SRFBP1: variants seen among roughly 807,000 people sequenced by gnomAD.
SRFBP1 encodes the protein serum response factor binding protein 1.
A neutral mutation model predicts 45.5 loss-of-function variants in SRFBP1; 47 were observed. That is an observed-to-expected ratio of 1.03 (90% CI 0.82 to 1.32). The LOEUF (loss-of-function observed/expected upper bound fraction) is 1.32. Among genes scored for constraint, SRFBP1 ranks in the 40% most tolerant of loss-of-function variants. The pLI is 0.00. For synonymous variants in SRFBP1, 203 were observed against 166.3 expected (o/e 1.22, Z -1.70); for missense variants, 621 against 484.6 (o/e 1.28, Z -2.64).
At chr5:122,078,263 G>A (rs1177847211), downstream of SRFBP1, 1 of 373,362 alleles carries the variant, frequency 2.7e-6, no homozygotes, top group African/African-American at 2.1e-5. Context: ...AGTGTCTGGA[G>A]TGAAGGAAGG....
intron 2 of SRFBP1, among the ~76,000 whole-genome samples, chr5:122,061,266 C>A (rs1379381686): frequency 2.0e-5 from 3 of 151,696 alleles, no homozygotes; most frequent in African/African-American, 7.3e-5. Flanking sequence ...TTGTCTTTAG[C>A]CCCTACTTAT....
intron 3 of SRFBP1, among the ~76,000 whole-genome samples, chr5:121,978,240 A>G (rs1288452566): frequency 6.6e-6 from 1 of 152,168 alleles, no homozygotes; most frequent in Non-Finnish European, 1.5e-5. Context: ...AGAATAAGAA[A>G]CTCAAGCTTA....
chr5:122,028,231 C>T lies in SRFBP1; in HGVS notation c.*1105C>T, dbSNP rs1167517071. ...ATCCATGTTTCCTGCACATTAGTTC[C>T]TTTAATGGCAGGGAAGGCCATCTGG... On this transcript the variant is annotated 3_prime_UTR_variant, in exon 8 of 8. Transcript: ENST00000339397. 1.3e-5 allele frequency: 2 copies of T among 152,156 alleles called. No homozygotes were observed. Among genetic ancestry groups the T allele is most frequent in the Non-Finnish European group, 1.5e-5 (1 of 68,026 alleles). 9.4% of individuals were successfully genotyped at this position (152,156 alleles called of 1,614,324 possible).
chr5:121,963,864 A>G (rs797008496), intron 1 of SRFBP1, among the ~76,000 whole-genome samples: 3 of 152,298 alleles, frequency 2.0e-5, no homozygotes, highest in Admixed American at 6.5e-5. Flanking sequence ...AGTGGGAAAA[A>G]AAACCCACAA....
intron 3 of SRFBP1, among the ~76,000 whole-genome samples, chr5:121,989,238 A>G (rs1223802007): frequency 6.6e-6 from 1 of 151,716 alleles, no homozygotes; most frequent in African/African-American, 2.4e-5. Flanking sequence ...TAATTTTTGT[A>G]TTTCTTTTTA....
At chr5:122,050,501 T>A (rs141386898) in intron 2 of SRFBP1, among the ~76,000 whole-genome samples, 1 of 152,312 alleles carries the variant, frequency 6.6e-6, no homozygotes, top group East Asian at 1.9e-4. Context: ...TTTATCCATT[T>A]CTTCTATATT....
At chr5:122,077,689 G>A (rs1289856512), downstream of SRFBP1, 5 of 1,599,062 alleles carry the variant, frequency 3.1e-6, no homozygotes, top group Admixed American at 8.5e-5. This position sits in a 1 kb window ranked among gnomAD's most constrained non-coding sequence, Gnocchi z 4.9. Context: ...GCGCCGCGGC[G>A]GTGCGGTTGT....
chr5:121,975,455 T>C (rs1752285542), intron 3 of SRFBP1, 68 bp downstream of exon 3: 1 of 1,541,578 alleles, frequency 6.5e-7, no homozygotes, highest in East Asian at 2.3e-5. Flanking sequence ...ATTTTGTTTG[T>C]GTGTGGTATT....
chr5:122,070,569 A>G (rs1387507346), intron 2 of SRFBP1: 3 of 1,603,968 alleles, frequency 1.9e-6, no homozygotes, highest in African/African-American at 1.3e-5. Context: ...CATAGGTATC[A>G]TAACAGCCAG....
chr5:122,032,860 C>T (rs777538682), downstream of SRFBP1, among the ~76,000 whole-genome samples: 3 of 152,040 alleles, frequency 2.0e-5, no homozygotes, highest in Non-Finnish European at 4.4e-5. Flanking sequence ...TGCTAAGTTC[C>T]CCTCCATGAA....
chr5:122,070,254 G>T, intron 2 of SRFBP1: 2 of 802,252 alleles, frequency 2.5e-6, no homozygotes, highest in Non-Finnish European at 4.3e-6. Flanking sequence ...GCTAAATCAA[G>T]CAGGGAAGGG....
chr5:122,078,541 TCAGA>T (rs1057293175), downstream of SRFBP1, among the ~76,000 whole-genome samples: 3 of 152,016 alleles, frequency 2.0e-5, no homozygotes, highest in Admixed American at 6.5e-5. Context: ...TTCAAAAAAC[TCAGA>T]CAGGCGAAGG....
chr5:122,044,465 A>G (rs1753822070), intron 2 of SRFBP1, among the ~76,000 whole-genome samples: 1 of 151,894 alleles, frequency 6.6e-6, no homozygotes, highest in Admixed American at 6.6e-5. Context: ...TTACACTTCA[A>G]CCAGTAGTGT....
Position 122,074,245 on chromosome 5 carries a change from C to T in SRFBP1, n.312-1070C>T, listed in dbSNP as rs963786604. 3.2e-6 allele frequency: 4 copies of T among 1,258,536 alleles called. No homozygotes were observed. The African/African-American group carries it at 5.9e-5, about 19-fold the overall frequency. 78.0% of individuals were successfully genotyped at this position (1,258,536 alleles called of 1,614,324 possible). On this transcript the variant is annotated intron_variant and non_coding_transcript_variant, in intron 2 of 2. Transcript: ENST00000504881. ...CAATGAAGATATTAAATGACTTCCC[C>T]CATGGCTTCACAAATTTGTTTTCAC...
intron 1 of SRFBP1, among the ~76,000 whole-genome samples, chr5:121,963,193 C>G (rs1751987794): frequency 6.6e-6 from 1 of 152,160 alleles, no homozygotes; most frequent in Non-Finnish European, 1.5e-5. Context: ...ATAAGTAACT[C>G]TTCACTGATG....
chr5:121,972,046 T>C (rs955367468), intron 1 of SRFBP1, among the ~76,000 whole-genome samples: 2 of 151,902 alleles, frequency 1.3e-5, no homozygotes, highest in African/African-American at 4.8e-5. Flanking sequence ...TAGTGAACCA[T>C]GTAATGAGGA....
At chr5:121,980,221 TG>T (rs1752381669) in intron 3 of SRFBP1, among the ~76,000 whole-genome samples, 1 of 152,206 alleles carries the variant, frequency 6.6e-6, no homozygotes, top group Non-Finnish European at 1.5e-5. Flanking sequence ...TCCAACTTTT[TG>T]GAAAACCCTT....
At position 122,027,314 on chromosome 5, in the gene SRFBP1, T is replaced by C; in HGVS notation, c.*188T>C. 2.4e-6 allele frequency: 1 copy of C among 410,798 alleles called. No homozygotes were observed. Among genetic ancestry groups the C allele is most frequent in the South Asian group, 5.2e-5 (1 of 19,354 alleles). The allele number at this position is 410,798 out of a possible 1,614,324, so 25.4% of individuals were successfully genotyped here. A position where few individuals can be genotyped will look rare whatever the true frequency, so the allele number is the denominator to read the frequency against. On this transcript the variant is annotated 3_prime_UTR_variant, in exon 8 of 8. Transcript: ENST00000339397. Reference sequence around the variant, plus strand: ...GGGCTGGGACTGCAGGTGCATGCACTACCATGCCCAGCTTTCTCACCCCAG... The same window carrying C: ...GGGCTGGGACTGCAGGTGCATGCACCACCATGCCCAGCTTTCTCACCCCAG...
chr5:122,034,025 T>C (rs868238087), intron 2 of SRFBP1, among the ~76,000 whole-genome samples: 3 of 151,972 alleles, frequency 2.0e-5, no homozygotes, highest in Middle Eastern at 3.4e-3. Context: ...TGTTTTGCCA[T>C]GTGGGCCAGG....
Sources: gnomAD v4.1 joint callset for allele counts (sites outside exome capture counted in the v4.1 genomes callset) on GRCh38, gnomAD v4.1.1 for gene constraint, Gnocchi (gnomAD v3.1) non-coding constraint, MANE v1.5 for transcripts, NCBI Gene and HGNC (gene_info 2026-07-23, HGNC 2026-07-21) for gene names.